The following DACT3 variants were observed in gnomAD, a reference collection of about 807,000 sequenced individuals.
The protein encoded by DACT3 is dishevelled binding antagonist of beta catenin 3.
Under a neutral mutation model 19.6 loss-of-function variants are expected in DACT3, and 5 were observed. The ratio of observed to expected loss-of-function variants is 0.26; its 90% CI spans 0.13 to 0.54. The LOEUF (loss-of-function observed/expected upper bound fraction) is 0.54, where lower values mean the gene tolerates loss of function less well. DACT3 is among the 20% of genes least tolerant of loss of function. The pLI, the probability that DACT3 is intolerant of heterozygous loss-of-function variation, is 0.95. For synonymous variants in DACT3, 454 were observed against 428.1 expected (o/e 1.06, Z -0.75); for missense variants, 908 against 927.4 (o/e 0.98, Z 0.27).
Position 46,648,340 on chromosome 19 carries a change from ACT to A in DACT3, c.*140_*141del. ...TGGTGGGGGAGCCTTTTCAACCAAG[ACT>A]GTTAGGAGTGGGGAGAGTGAGGGGG... On this transcript the variant is annotated 3_prime_UTR_variant, in exon 4 of 4. Transcript: ENST00000391916. This position sits in a 1 kb window ranked among gnomAD's most constrained non-coding sequence, Gnocchi z 5.1. The A allele has an allele frequency of 7.4e-7, 1 of 1,356,730 alleles. No individual in the cohort carries two copies. The allele number at this position is 1,356,730 out of a possible 1,614,324, so 84.0% of individuals were successfully genotyped here.
chr19:46,649,990 T>G, intron 3 of DACT3, 118 bp from the exon 4 acceptor site: 3 of 1,182,360 alleles, frequency 2.5e-6, no homozygotes, highest in Non-Finnish European at 3.2e-6. Context: ...TCCATCCTCA[T>G]CGCAGCAAAA....
At position 46,647,818 on chromosome 19, in the gene DACT3, C is replaced by T. The variant is rs1292636501; in HGVS notation, c.*664G>A. 1 of 152,620 alleles carries T rather than the reference C, an allele frequency of 6.6e-6. No individual in the cohort carries two copies. Among genetic ancestry groups the T allele is most frequent in the Non-Finnish European group, 1.5e-5 (1 of 68,068 alleles). The allele number at this position is 152,620 out of a possible 1,614,324, so 9.5% of individuals were successfully genotyped here. A position where few individuals can be genotyped will look rare whatever the true frequency, so the allele number is the denominator to read the frequency against. On this transcript the variant is annotated 3_prime_UTR_variant, in exon 4 of 4. Transcript: ENST00000391916. ...GGGTCATGAGATAGAAACCATCTTC[C>T]TTCCCCTCTTCTACCTCCGAATCCT...
In DACT3 at chr19:46,649,049, G is replaced by C; in HGVS notation, c.1323C>G (p.Pro441=). Residue 441 remains proline (P), a synonymous_variant, in exon 4 of 4, where the codon CCC becomes CCG. Coordinates refer to ENST00000391916, the MANE Select transcript of DACT3 (RefSeq NM_145056.3). Reference sequence around the variant, plus strand: ...CCCGCTCCGCCGTGGGGTACTTAGGGGGCCCCGAAGGGACCGCGGAGGCGC... The same window carrying C: ...CCCGCTCCGCCGTGGGGTACTTAGGCGGCCCCGAAGGGACCGCGGAGGCGC... ...LGRASAVPSG[P]PKYPTAEREE... The C allele has an allele frequency of 9.4e-6, 12 of 1,281,560 alleles. No homozygotes were observed. Among genetic ancestry groups the C allele is most frequent in the Non-Finnish European group, 1.2e-5 (12 of 1,016,638 alleles). 79.4% of individuals were successfully genotyped at this position (1,281,560 alleles called of 1,614,324 possible). A position where few individuals can be genotyped will look rare whatever the true frequency, so the allele number is the denominator to read the frequency against.
At position 46,647,678 on chromosome 19, in the gene DACT3, A is replaced by G. The variant is rs45506203; in HGVS notation, c.*804T>C. The stretch of plus-strand genomic sequence containing the variant: ...CACACAGAATCTGGCCCCCCTTTGC[A>G]CTGGGGAGTCACCATCGTCATAATA... On this transcript the variant is annotated 3_prime_UTR_variant, in exon 4 of 4. Transcript: ENST00000391916. 0.024 allele frequency: 3,603 copies of G among 152,698 alleles called. 84 individuals carry two copies. Among genetic ancestry groups the G allele is most frequent in the South Asian group, 0.028 (133 of 4,820 alleles). 9.5% of individuals were successfully genotyped at this position (152,698 alleles called of 1,614,324 possible).
chr19:46,655,468 C>A (rs2053025824), intron 1 of DACT3, among the ~76,000 whole-genome samples: 1 of 152,046 alleles, frequency 6.6e-6, no homozygotes, highest in Admixed American at 6.6e-5. Flanking sequence ...CAAAAAATAG[C>A]CAGGTGTGGT....
In DACT3 at chr19:46,648,084, A is replaced by C; in HGVS notation, c.*398T>G. On this transcript the variant is annotated 3_prime_UTR_variant, in exon 4 of 4. Coordinates refer to ENST00000391916, the MANE Select transcript of DACT3 (RefSeq NM_145056.3). The surrounding 1 kb of genome is among the most constrained non-coding windows in gnomAD (Gnocchi z 5.1). ...CCATAGCTGGGCAAGGAAAGGAGGA[A>C]TGAGAGGGCTCATCAGGAATGAGAG... is the stretch of plus-strand genomic sequence containing the variant. 1 of 197,182 alleles carries C rather than the reference A, an allele frequency of 5.1e-6. No individual in the cohort carries two copies. The highest frequency in any genetic ancestry group is 1.0e-5 in the Non-Finnish European group (1 of 95,284). 12.2% of individuals were successfully genotyped at this position (197,182 alleles called of 1,614,324 possible).
intron 3 of DACT3, chr19:46,651,853 A>G (rs2052989540): frequency 6.6e-6 from 1 of 151,596 alleles, no homozygotes; most frequent in African/African-American, 2.4e-5. Flanking sequence ...CATGCACCAC[A>G]ATGCCTGGCT....
chr19:46,648,389 G>A lies in DACT3; in HGVS notation c.*93C>T. The A allele has an allele frequency of 6.3e-7, 1 of 1,584,778 alleles. No individual in the cohort carries two copies. ...GGGGGTCTTTGGAAGCAGAGAAAAC[G>A]ATGGTCTTTGGAAGGTAGATGTGGA... On this transcript the variant is annotated 3_prime_UTR_variant, in exon 4 of 4. Coordinates refer to ENST00000391916, the MANE Select transcript of DACT3 (RefSeq NM_145056.3). This position sits in a 1 kb window ranked among gnomAD's most constrained non-coding sequence, Gnocchi z 5.1.
Position 46,660,689 on chromosome 19 carries a change from C to A in DACT3, c.249+127G>T. On this transcript the variant is annotated intron_variant, in intron 1 of 3. Coordinates refer to ENST00000391916, the MANE Select transcript of DACT3 (RefSeq NM_145056.3). This position sits in a 1 kb window ranked among gnomAD's most constrained non-coding sequence, Gnocchi z 4.9. ...CGCCGGAACTCCGGGGTCGCCAGCC[C>A]CACCCCCTGTCCTTTCTCACTCCCT... is the stretch of plus-strand genomic sequence containing the variant. 1.4e-6 allele frequency: 2 copies of A among 1,384,690 alleles called. No homozygotes were observed. The highest frequency in any genetic ancestry group is 1.9e-6 in the Non-Finnish European group (2 of 1,075,214). The allele number at this position is 1,384,690 out of a possible 1,614,324, so 85.8% of individuals were successfully genotyped here.
At chr19:46,653,427 G>A (rs1045168018) in intron 1 of DACT3, among the ~76,000 whole-genome samples, 2 of 152,018 alleles carry the variant, frequency 1.3e-5, no homozygotes, top group Admixed American at 6.6e-5. Flanking sequence ...CCCTCTTTGA[G>A]TCTAACTTCA....
intron 1 of DACT3, among the ~76,000 whole-genome samples, chr19:46,656,040 A>AATTT (rs201832570): frequency 0.062 from 8,411 of 135,780 alleles, 292 homozygotes; most frequent in South Asian, 0.1. Flanking sequence ...ATATATATGA[A>AATTT]ATTTATTTAT....
At chr19:46,651,644 TTGTG>T (rs10600060) in intron 3 of DACT3, 47,297 of 134,408 alleles carry the variant, frequency 0.35, 7,608 homozygotes, top group South Asian at 0.39. Flanking sequence ...CAGGCACTGT[TTGTG>T]TGTGTGTGTG....
chr19:46,649,755 G>A lies in DACT3; in HGVS notation c.617C>T (p.Ala206Val), dbSNP rs1267678211. Reference protein sequence around the residue: ...GSAGPEACSSAERRARAGPFL... With the variant: ...GSAGPEACSSVERRARAGPFL... ...GGGCCCGGCGCGGGCCCGCCGCTCC[G>A]CCGAGGAGCAGGCCTCCGGGCCGGC... The change falls in exon 4 of 4, where the codon GCG (alanine) becomes GTG (valine). Residue 206 changes from alanine to valine, a missense_variant. Physicochemically the swap from Ala to Val is moderately conservative, Grantham distance 64. Around this residue, in one of 2 missense-constraint regions of DACT3, gnomAD observed 252 missense variants for 325.6 expected, o/e 0.77. Transcript: ENST00000391916. 6 of 1,290,426 alleles carry A rather than the reference G, an allele frequency of 4.6e-6. No homozygotes were observed. Among genetic ancestry groups the A allele is most frequent in the Admixed American group, 4.3e-5 (1 of 23,458 alleles). 79.9% of individuals were successfully genotyped at this position (1,290,426 alleles called of 1,614,324 possible).
In DACT3 at chr19:46,660,478, A is replaced by C; in HGVS notation, c.249+338T>G. 3.6e-6 allele frequency: 1 copy of C among 277,730 alleles called. No homozygotes were observed. The highest frequency in any genetic ancestry group is 6.8e-6 in the Non-Finnish European group (1 of 147,824). The allele number at this position is 277,730 out of a possible 1,614,324, so 17.2% of individuals were successfully genotyped here. A position where few individuals can be genotyped will look rare whatever the true frequency, so the allele number is the denominator to read the frequency against. ...AATGGGGACTATCACCCCGTTTCCC[A>C]AGCCGCAAGAAGACAACGCCTGCAA... is the stretch of plus-strand genomic sequence containing the variant. On this transcript the variant is annotated intron_variant, in intron 1 of 3. Transcript: ENST00000391916. The surrounding 1 kb of genome is among the most constrained non-coding windows in gnomAD (Gnocchi z 4.9).
Position 46,660,845 on chromosome 19 carries a change from G to C in DACT3, c.220C>G (p.Arg74Gly). Reference sequence around the variant, plus strand: ...TGCTCCTCCAGGGCCGCTGCGGCCCGGCGCGCCGCCGCCGCATCTTCATCC... The same window carrying C: ...TGCTCCTCCAGGGCCGCTGCGGCCCCGCGCGCCGCCGCCGCATCTTCATCC... ...DEDEDAAAAR[R>G]AAAALEEQLE... Residue 74 changes from arginine to glycine, a missense_variant, in exon 1 of 4, where the codon CGG (arginine) becomes GGG (glycine). Around this residue, in one of 2 missense-constraint regions of DACT3, gnomAD observed 252 missense variants for 325.6 expected, o/e 0.77. Coordinates refer to ENST00000391916, the MANE Select transcript of DACT3 (RefSeq NM_145056.3). This position sits in a 1 kb window ranked among gnomAD's most constrained non-coding sequence, Gnocchi z 4.9. 6.6e-7 allele frequency: 1 copy of C among 1,515,888 alleles called. No homozygotes were observed. The highest frequency in any genetic ancestry group is 8.8e-7 in the Non-Finnish European group (1 of 1,137,442). 93.9% of individuals were successfully genotyped at this position (1,515,888 alleles called of 1,614,324 possible).
chr19:46,650,378 T>G (rs1207309697), intron 3 of DACT3: 1 of 151,870 alleles, frequency 6.6e-6, no homozygotes, highest in Non-Finnish European at 1.5e-5. Flanking sequence ...CGCCTCGGCC[T>G]CCCAAAGTGC....
At chr19:46,655,212 G>A (rs905467048) in intron 1 of DACT3, 7 of 295,248 alleles carry the variant, frequency 2.4e-5, no homozygotes, top group African/African-American at 1.4e-4. Context: ...GATCTTTGGT[G>A]ATCTCTTCTC....
rs765219965 is a variant in DACT3, at chr19:46,649,903, A to G, written c.500-31T>C. 2,897 of 1,315,970 alleles carry G rather than the reference A, an allele frequency of 2.2e-3. 8 individuals carry two copies. The highest frequency in any genetic ancestry group is 2.6e-3 in the Non-Finnish European group (2,638 of 1,032,744). 81.5% of individuals were successfully genotyped at this position (1,315,970 alleles called of 1,614,324 possible). ...GAAGGAAGGCCAAAAAAAAAAAAAAAAGAGAGAGTGGAGGGGCTCTCAAAG... is the reference window on the plus strand; with the variant it reads ...GAAGGAAGGCCAAAAAAAAAAAAAAGAGAGAGAGTGGAGGGGCTCTCAAAG... On this transcript the variant is annotated intron_variant, in intron 3 of 3. Transcript: ENST00000391916.
chr19:46,648,526 G>A lies in DACT3; in HGVS notation c.1846C>T (p.Leu616=). The A allele has an allele frequency of 6.2e-7, 1 of 1,613,998 alleles. No homozygotes were observed. The highest frequency in any genetic ancestry group is 8.5e-7 in the Non-Finnish European group (1 of 1,179,864). The change falls in exon 4 of 4, where the codon CTG becomes TTG. Residue 616 remains leucine (L), a synonymous_variant. Transcript: ENST00000391916. The surrounding 1 kb of genome is among the most constrained non-coding windows in gnomAD (Gnocchi z 5.1). ...KASHALKKKI[L]RFRSGSLKVM... ...TTGAGAGAACCCGAACGGAAACGCAGTATCTTTTTCTTGAGCGCGTGGGAA... is the reference window on the plus strand; with the variant it reads ...TTGAGAGAACCCGAACGGAAACGCAATATCTTTTTCTTGAGCGCGTGGGAA...
Sources: allele counts gnomAD v4.1 joint callset (sites outside exome capture counted in the v4.1 genomes callset), GRCh38; gene constraint gnomAD v4.1.1; regional missense constraint gnomAD v4.1.1; non-coding constraint Gnocchi (gnomAD v3.1); transcripts MANE v1.5; gene names NCBI Gene and HGNC (gene_info 2026-07-23, HGNC 2026-07-21).